ZNF423: variants seen among roughly 807,000 people sequenced by gnomAD.
The protein encoded by ZNF423 is Ebf-associated zinc finger protein.
Under a neutral mutation model 95.8 loss-of-function variants are expected in ZNF423, and 12 were observed. The observed-to-expected ratio is 0.13, with a 90% CI of 0.08 to 0.20. The LOEUF (loss-of-function observed/expected upper bound fraction) is 0.20. Among genes scored for constraint, ZNF423 ranks in the 10% least tolerant of loss-of-function variants. The pLI is 1.00. For synonymous variants in ZNF423, 749 were observed against 711.9 expected (o/e 1.05, Z -0.83); for missense variants, 1,316 against 1,737.1 (o/e 0.76, Z 4.31).
rs147021486 is a variant in ZNF423, at chr16:49,786,104, G to C, written c.100+3383C>G. ...TCACCATTAGCAGCCCCATTCACCAGCAAGTGGCATGAGTGGGCCTGCGCA... is the reference window on the plus strand; with the variant it reads ...TCACCATTAGCAGCCCCATTCACCACCAAGTGGCATGAGTGGGCCTGCGCA... On this transcript the variant is annotated intron_variant, in intron 2 of 7. Transcript: ENST00000563137. 2.4e-4 allele frequency among the ~76,000 whole-genome samples: 36 copies of C among 152,324 alleles called. No individual in the cohort carries two copies. The East Asian group carries it at 7.0e-3, about 29-fold the overall frequency.
At chr16:49,627,683 T>C (rs1164230228) in intron 4 of ZNF423, among the ~76,000 whole-genome samples, 1 of 144,830 alleles carries the variant, frequency 6.9e-6, no homozygotes, top group African/African-American at 2.6e-5. Flanking sequence ...CATATACCCA[T>C]TCATCCATCC....
intron 5 of ZNF423, among the ~76,000 whole-genome samples, chr16:49,552,679 G>A (rs146999104): frequency 1.1e-4 from 16 of 152,024 alleles, no homozygotes; most frequent in Admixed American, 2.6e-4. Context: ...ACACACTTTC[G>A]GTTTCCAGCT....
chr16:49,728,424 G>C (rs1316885285), intron 3 of ZNF423, among the ~76,000 whole-genome samples: 1 of 152,158 alleles, frequency 6.6e-6, no homozygotes, highest in African/African-American at 2.4e-5. Flanking sequence ...CCAGGATTTG[G>C]GGGTATTCCT....
At chr16:49,804,855 C>T (rs1029945846) in intron 1 of ZNF423, among the ~76,000 whole-genome samples, 5 of 151,430 alleles carry the variant, frequency 3.3e-5, no homozygotes, top group Non-Finnish European at 7.4e-5. Context: ...GGACCCAATA[C>T]CCAGTGCCTG....
At chr16:49,854,521 C>T (rs2035336173) in intron 1 of ZNF423, 1 of 985,340 alleles carries the variant, frequency 1.0e-6, no homozygotes, top group Non-Finnish European at 1.2e-6. Flanking sequence ...CAGAGGTCAT[C>T]AGGGGAGATG....
chr16:49,853,639 TACACATAC>T lies in ZNF423; in HGVS notation c.40+2088_40+2095del, dbSNP rs1367011888. ...CTACCAACCTGCTTGAACTGTCTGC[TACACATAC>T]ACACATACACATTTGAGAGAGGCAC... On this transcript the variant is annotated intron_variant, in intron 1 of 7. Coordinates refer to ENST00000563137, the MANE Select transcript of ZNF423 (RefSeq NM_001379286.1). 10 of 985,216 alleles carry T rather than the reference TACACATAC, an allele frequency of 1.0e-5. No homozygotes were observed. In the South Asian group the frequency reaches 2.8e-4, roughly 28 times the overall value. 61.0% of individuals were successfully genotyped at this position (985,216 alleles called of 1,614,324 possible). A position where few individuals can be genotyped will look rare whatever the true frequency, so the allele number is the denominator to read the frequency against.
intron 5 of ZNF423, among the ~76,000 whole-genome samples, chr16:49,543,119 A>C (rs1348176245): frequency 1.3e-5 from 2 of 152,320 alleles, no homozygotes; most frequent in East Asian, 3.9e-4. Flanking sequence ...CACTCCAATA[A>C]GCCCACAAAT....
intron 2 of ZNF423, among the ~76,000 whole-genome samples, chr16:49,755,113 C>T (rs529609296): frequency 7.9e-5 from 12 of 152,296 alleles, no homozygotes; most frequent in African/African-American, 2.2e-4. Flanking sequence ...TGGCTGGGAG[C>T]GGTCAAGCCC....
chr16:49,777,061 T>C (rs1323699895), intron 2 of ZNF423, among the ~76,000 whole-genome samples: 5 of 152,184 alleles, frequency 3.3e-5, no homozygotes, highest in African/African-American at 1.2e-4. Flanking sequence ...CACTCCTGTA[T>C]GCACGTATGG....
intron 2 of ZNF423, chr16:49,731,218 G>T: frequency 4.5e-6 from 3 of 668,240 alleles, no homozygotes; most frequent in Non-Finnish European, 5.6e-6. Flanking sequence ...TCCCCTCTGT[G>T]CACGGATGCT....
intron 3 of ZNF423, among the ~76,000 whole-genome samples, chr16:49,718,522 G>C (rs1212276511): frequency 1.3e-5 from 2 of 152,170 alleles, no homozygotes. Context: ...TGGAATTGTG[G>C]AGTAAGGAAT....
chr16:49,537,836 C>T (rs990817136), intron 5 of ZNF423, among the ~76,000 whole-genome samples: 1 of 152,236 alleles, frequency 6.6e-6, no homozygotes, highest in Non-Finnish European at 1.5e-5. Flanking sequence ...CCCAAGCTCA[C>T]ATTAGCTTGT....
At chr16:49,745,592 T>C (rs58541469) in intron 2 of ZNF423, among the ~76,000 whole-genome samples, 3,080 of 152,312 alleles carry the variant, frequency 0.02, 98 homozygotes, top group African/African-American at 0.071. Flanking sequence ...TGTGAAGACA[T>C]TTTTGAGGCG....
At chr16:49,550,919 C>A (rs1230356093) in intron 5 of ZNF423, among the ~76,000 whole-genome samples, 1 of 152,256 alleles carries the variant, frequency 6.6e-6, no homozygotes, top group African/African-American at 2.4e-5. Flanking sequence ...GGGTGGGCCT[C>A]CCTTCGCAGG....
chr16:49,742,254 C>T (rs1175471797), intron 2 of ZNF423, among the ~76,000 whole-genome samples: 1 of 152,098 alleles, frequency 6.6e-6, no homozygotes, highest in Non-Finnish European at 1.5e-5. Flanking sequence ...GGCAGCTTCC[C>T]CAACCTCACA....
intron 2 of ZNF423, among the ~76,000 whole-genome samples, chr16:49,783,968 C>CAAAAA (rs57994963): frequency 3.4e-5 from 3 of 87,740 alleles, no homozygotes; most frequent in Admixed American, 1.2e-4. Flanking sequence ...GACTCCAACT[C>CAAAAA]AAAAAAAAAA....
At chr16:49,514,924 TGGCA>T (rs1263000474) in intron 7 of ZNF423, among the ~76,000 whole-genome samples, 1 of 152,354 alleles carries the variant, frequency 6.6e-6, no homozygotes, top group East Asian at 1.9e-4. Flanking sequence ...TGACATGCCC[TGGCA>T]GGCAGTGCCC....
At chr16:49,836,458 G>A (rs1256902134) in intron 1 of ZNF423, among the ~76,000 whole-genome samples, 1 of 152,114 alleles carries the variant, frequency 6.6e-6, no homozygotes, top group Non-Finnish European at 1.5e-5. Flanking sequence ...TCTGCCTCCA[G>A]GAGCTCTGGG....
intron 2 of ZNF423, among the ~76,000 whole-genome samples, chr16:49,766,194 G>C (rs1177793356): frequency 6.6e-6 from 1 of 152,168 alleles, no homozygotes; most frequent in African/African-American, 2.4e-5. Context: ...CAGAAGTCAG[G>C]ATATTAACAT....
Sources: gnomAD v4.1 joint callset for allele counts (sites outside exome capture counted in the v4.1 genomes callset) on GRCh38, gnomAD v4.1.1 for gene constraint, MANE v1.5 for transcripts, NCBI Gene and HGNC (gene_info 2026-07-23, HGNC 2026-07-21) for gene names.